Variants in KIAA1217 observed in about 807,000 individuals in gnomAD.
KIAA1217 encodes KIAA1217.
KIAA1217 carries 88 observed loss-of-function variants against 163.9 expected under a neutral mutation model. The ratio of observed to expected loss-of-function variants is 0.54; its 90% CI spans 0.45 to 0.64. KIAA1217 has a LOEUF of 0.64. Ranked by LOEUF, KIAA1217 falls within the 30% of genes least tolerant of loss-of-function variation. KIAA1217 has a pLI of 0.00. For synonymous variants in KIAA1217, 903 were observed against 923.1 expected (o/e 0.98, Z 0.39); for missense variants, 2,372 against 2,475.0 (o/e 0.96, Z 0.88).
intron 2 of KIAA1217, among the ~76,000 whole-genome samples, chr10:24,022,195 A>C (rs1727754494): frequency 6.6e-6 from 1 of 151,590 alleles, no homozygotes; most frequent in African/African-American, 2.4e-5. Flanking sequence ...TTTGCAAAAC[A>C]CATATCTGAT....
At chr10:23,774,948 C>A (rs1231629013) in intron 1 of KIAA1217, among the ~76,000 whole-genome samples, 1 of 152,014 alleles carries the variant, frequency 6.6e-6, no homozygotes, top group Non-Finnish European at 1.5e-5. Context: ...TTGCCTATAC[C>A]CCATGAATGG....
At chr10:23,991,811 T>C (rs889510554) in intron 1 of KIAA1217, among the ~76,000 whole-genome samples, 3 of 152,136 alleles carry the variant, frequency 2.0e-5, no homozygotes, top group African/African-American at 4.8e-5. Flanking sequence ...CATATCCCAG[T>C]GTCAGATAGG....
At chr10:24,059,871 C>T (rs192215149) in intron 2 of KIAA1217, among the ~76,000 whole-genome samples, 3 of 152,050 alleles carry the variant, frequency 2.0e-5, no homozygotes, top group African/African-American at 2.4e-5. Context: ...GGCCTCTATG[C>T]GAGTTTTCTA....
chr10:24,540,453 C>T (rs190806130), intron 17 of KIAA1217, among the ~76,000 whole-genome samples: 3 of 152,164 alleles, frequency 2.0e-5, no homozygotes, highest in East Asian at 1.9e-4. Context: ...AGGCTGGTCT[C>T]GAACTCCTGA....
At chr10:23,961,600 C>G (rs1844823284) in intron 1 of KIAA1217, among the ~76,000 whole-genome samples, 1 of 152,250 alleles carries the variant, frequency 6.6e-6, no homozygotes, top group East Asian at 1.9e-4. Context: ...TAAAATAACC[C>G]TTCAGCTTTT....
intron 2 of KIAA1217, among the ~76,000 whole-genome samples, chr10:24,344,194 TA>T (rs2047442182): frequency 1.3e-5 from 2 of 152,186 alleles, no homozygotes; most frequent in Non-Finnish European, 2.9e-5. Flanking sequence ...AAATTTTAAA[TA>T]AATAAGATAA....
At chr10:23,730,804 G>A (rs574743158) in intron 1 of KIAA1217, among the ~76,000 whole-genome samples, 1 of 152,142 alleles carries the variant, frequency 6.6e-6, no homozygotes, top group South Asian at 2.1e-4. Flanking sequence ...TTTATTGCTG[G>A]TATATAGGAA....
rs139828283 is a variant in KIAA1217 at position 24,267,519 on chromosome 10, C to T, written c.354+47610C>T. Among the ~76,000 whole-genome samples, 621 of 152,242 alleles carry T rather than the reference C, an allele frequency of 4.1e-3. 6 individuals are homozygous for T. Among genetic ancestry groups the T allele is most frequent in the African/African-American group, 0.014 (593 of 41,538 alleles). ...GTAGAGATGGGATCTTGCCATGTTG[C>T]CCACGCTAGTCTTGAACTCCTGGCC... On this transcript the variant is annotated intron_variant, in intron 2 of 20. Coordinates refer to ENST00000376454, the MANE Select transcript of KIAA1217 (RefSeq NM_019590.5).
At chr10:24,293,230 G>GT (rs982371687) in intron 2 of KIAA1217, among the ~76,000 whole-genome samples, 96 of 152,158 alleles carry the variant, frequency 6.3e-4, no homozygotes, top group African/African-American at 2.2e-3. Flanking sequence ...GTTGTTGTTT[G>GT]TTTTGTTTGT....
intron 5 of KIAA1217, among the ~76,000 whole-genome samples, chr10:24,446,131 G>A (rs1035690942): frequency 5.9e-5 from 9 of 152,198 alleles, no homozygotes; most frequent in Admixed American, 6.5e-5. Context: ...CTGATGGCCA[G>A]TGATGATGAG....
chr10:23,880,835 A>G (rs1840917482), intron 1 of KIAA1217, among the ~76,000 whole-genome samples: 1 of 152,028 alleles, frequency 6.6e-6, no homozygotes, highest in South Asian at 2.1e-4. Context: ...GGACAGTTCA[A>G]GGTCACAGGT....
chr10:23,837,232 T>C (rs567478595), intron 1 of KIAA1217, among the ~76,000 whole-genome samples: 11 of 152,290 alleles, frequency 7.2e-5, no homozygotes, highest in African/African-American at 2.6e-4. Flanking sequence ...TGAGATAAAT[T>C]TCTCTTGTTC....
intron 1 of KIAA1217, among the ~76,000 whole-genome samples, chr10:23,857,551 A>C (rs1265821836): frequency 1.3e-5 from 2 of 152,198 alleles, no homozygotes; most frequent in African/African-American, 4.8e-5. Context: ...TCTATATCAC[A>C]ATCATCTGGA....
At chr10:24,108,850 G>A (rs976451010) in intron 2 of KIAA1217, among the ~76,000 whole-genome samples, 12 of 152,094 alleles carry the variant, frequency 7.9e-5, no homozygotes, top group African/African-American at 1.4e-4. Context: ...GTTTTGTTTC[G>A]AGACTATGTT....
chr10:23,763,578 C>T (rs557697313), intron 1 of KIAA1217, among the ~76,000 whole-genome samples: 6 of 152,272 alleles, frequency 3.9e-5, no homozygotes, highest in African/African-American at 1.4e-4. Context: ...CCCTTCCTTA[C>T]ACCTTATAGA....
At chr10:24,003,371 G>C (rs994020179) in intron 1 of KIAA1217, among the ~76,000 whole-genome samples, 1 of 152,072 alleles carries the variant, frequency 6.6e-6, no homozygotes, top group Admixed American at 6.5e-5. Context: ...GAGTAAGGTG[G>C]TATCTCATTG....
At chr10:24,337,202 T>G in intron 2 of KIAA1217, among the ~76,000 whole-genome samples, 1 of 152,354 alleles carries the variant, frequency 6.6e-6, no homozygotes, top group East Asian at 1.9e-4. Flanking sequence ...TTTAAACTCC[T>G]TTAATTCAAC....
At chr10:23,729,792 G>A (rs1377124422) in intron 1 of KIAA1217, among the ~76,000 whole-genome samples, 1 of 152,094 alleles carries the variant, frequency 6.6e-6, no homozygotes, top group East Asian at 1.9e-4. Context: ...TAATTTTAAT[G>A]AAATCCAGTT....
At chr10:24,225,286 C>T (rs1473942604) in intron 2 of KIAA1217, among the ~76,000 whole-genome samples, 1 of 152,062 alleles carries the variant, frequency 6.6e-6, no homozygotes, top group African/African-American at 2.4e-5. Flanking sequence ...CCACTTCTGG[C>T]CAGTTTTAAA....
Sources: gnomAD v4.1 joint callset for allele counts (sites outside exome capture counted in the v4.1 genomes callset) on GRCh38, gnomAD v4.1.1 for gene constraint, MANE v1.5 for transcripts, NCBI Gene and HGNC (gene_info 2026-07-23, HGNC 2026-07-21) for gene names.